The following IFT80 variants were observed in gnomAD, a reference collection of about 807,000 sequenced individuals.
The protein encoded by IFT80 is intraflagellar transport 80, also known as intraflagellar transport protein 80 homolog.
In IFT80, 79 loss-of-function variants were observed where a neutral mutation model predicts 107.9. The ratio of observed to expected loss-of-function variants is 0.73; its 90% CI spans 0.61 to 0.88. The LOEUF (loss-of-function observed/expected upper bound fraction) is 0.88. IFT80 is among the 40% of genes least tolerant of loss of function. The pLI is 0.00. For missense variants in IFT80, 797 were observed against 914.2 expected (o/e 0.87, Z 1.65); for synonymous variants, 299 against 300.9 (o/e 0.99, Z 0.07).
At chr3:160,346,348 C>T (rs956688990) in intron 8 of IFT80, among the ~76,000 whole-genome samples, 1 of 152,128 alleles carries the variant, frequency 6.6e-6, no homozygotes, top group African/African-American at 2.4e-5. Flanking sequence ...CAAAACATCA[C>T]ATTACCTGTA....
chr3:160,267,845 G>A (rs897953750), intron 19 of IFT80, among the ~76,000 whole-genome samples: 1 of 152,184 alleles, frequency 6.6e-6, no homozygotes, highest in African/African-American at 2.4e-5. Flanking sequence ...GGGACTACAG[G>A]CATGCACCAC....
intron 19 of IFT80, 29 bp from the exon 20 acceptor site, chr3:160,258,664 T>C: frequency 6.2e-7 from 1 of 1,605,630 alleles, no homozygotes. Context: ...AGAAGAAATA[T>C]GCTTAGATAG....
intron 4 of IFT80, among the ~76,000 whole-genome samples, chr3:160,376,896 T>C (rs866228674): frequency 2.6e-5 from 4 of 152,196 alleles, no homozygotes; most frequent in Admixed American, 1.3e-4. Flanking sequence ...CAAGCCTTCA[T>C]ATGACTGCCG....
intron 9 of IFT80, among the ~76,000 whole-genome samples, chr3:160,308,743 A>C (rs1717012598): frequency 6.6e-6 from 1 of 152,222 alleles, no homozygotes. Context: ...AGAAGTACTT[A>C]GGCCTACTAG....
intron 8 of IFT80, among the ~76,000 whole-genome samples, chr3:160,335,203 G>A (rs541548309): frequency 2.0e-5 from 3 of 150,326 alleles, no homozygotes; most frequent in Admixed American, 6.6e-5. Flanking sequence ...TGTCAAACTC[G>A]GTTCGGCAGA....
chr3:160,363,094 G>A (rs900157679), intron 6 of IFT80, among the ~76,000 whole-genome samples: 1 of 152,166 alleles, frequency 6.6e-6, no homozygotes, highest in African/African-American at 2.4e-5. Context: ...GTTTGCAGAT[G>A]ACACAATCGT....
chr3:160,344,085 T>A (rs1239187106), intron 8 of IFT80, among the ~76,000 whole-genome samples: 1 of 152,198 alleles, frequency 6.6e-6, no homozygotes, highest in African/African-American at 2.4e-5. Flanking sequence ...AGGAGCCCCA[T>A]TTTCCCATTT....
At chr3:160,291,481 C>T (rs1324146170) in intron 12 of IFT80, among the ~76,000 whole-genome samples, 1 of 152,240 alleles carries the variant, frequency 6.6e-6, no homozygotes, top group Non-Finnish European at 1.5e-5. Flanking sequence ...ATTCTGTTGA[C>T]ACTCGGACAG....
intron 8 of IFT80, among the ~76,000 whole-genome samples, chr3:160,323,042 T>G (rs1718380860): frequency 1.3e-5 from 2 of 151,940 alleles, no homozygotes; most frequent in African/African-American, 2.4e-5. Flanking sequence ...TTAGTTTAAT[T>G]AGATCCCATT....
At chr3:160,311,887 T>C (rs573198117) in intron 9 of IFT80, among the ~76,000 whole-genome samples, 5 of 152,222 alleles carry the variant, frequency 3.3e-5, no homozygotes, top group African/African-American at 9.6e-5. Flanking sequence ...AAGCTGGGGC[T>C]CTTCCGCCTC....
chr3:160,330,527 G>T (rs1719013457), intron 8 of IFT80, among the ~76,000 whole-genome samples: 1 of 152,048 alleles, frequency 6.6e-6, no homozygotes, highest in Non-Finnish European at 1.5e-5. Flanking sequence ...AACTTAAGTA[G>T]GAATAATAAT....
intron 5 of IFT80, among the ~76,000 whole-genome samples, chr3:160,371,593 C>T (rs563006451): frequency 6.6e-6 from 1 of 152,194 alleles, no homozygotes; most frequent in East Asian, 1.9e-4. Context: ...CAGGGATGCA[C>T]CACTATGCCC....
chr3:160,301,885 C>T (rs527355171), intron 11 of IFT80, among the ~76,000 whole-genome samples: 1 of 152,054 alleles, frequency 6.6e-6, no homozygotes, highest in African/African-American at 2.4e-5. Context: ...CTCACTCATT[C>T]CTGATAAACA....
At chr3:160,262,983 T>C (rs1712982294) in intron 19 of IFT80, among the ~76,000 whole-genome samples, 1 of 152,176 alleles carries the variant, frequency 6.6e-6, no homozygotes, top group South Asian at 2.1e-4. Flanking sequence ...CAATGTCCTT[T>C]TGTGTTCATA....
chr3:160,278,805 G>A (rs1375415495), intron 16 of IFT80, among the ~76,000 whole-genome samples: 1 of 152,002 alleles, frequency 6.6e-6, no homozygotes, highest in Non-Finnish European at 1.5e-5. Flanking sequence ...GTTGGAAAAA[G>A]GCTGATCGAA....
chr3:160,359,055 A>G (rs936236938), intron 6 of IFT80, among the ~76,000 whole-genome samples: 5 of 152,222 alleles, frequency 3.3e-5, no homozygotes, highest in Non-Finnish European at 7.3e-5. Flanking sequence ...GCATTCCACA[A>G]GCAAGAATTA....
At chr3:160,380,642 AAC>A (rs1340070696) in intron 3 of IFT80, among the ~76,000 whole-genome samples, 4 of 152,190 alleles carry the variant, frequency 2.6e-5, no homozygotes, top group Non-Finnish European at 4.4e-5. Flanking sequence ...GGTAAAGTAT[AAC>A]ACAGATGAAA....
chr3:160,321,687 T>G (rs547991427), intron 8 of IFT80, among the ~76,000 whole-genome samples: 13 of 151,998 alleles, frequency 8.6e-5, no homozygotes, highest in African/African-American at 2.4e-4. Context: ...ATAGTAAAAG[T>G]TATGTGAATG....
At chr3:160,353,846 G>A (rs1319689026) in intron 8 of IFT80, among the ~76,000 whole-genome samples, 1 of 151,916 alleles carries the variant, frequency 6.6e-6, no homozygotes, top group African/African-American at 2.4e-5. Flanking sequence ...TGTCTGATGA[G>A]TAGTATATAT....
Sources: allele counts gnomAD v4.1 joint callset (sites outside exome capture counted in the v4.1 genomes callset), GRCh38; gene constraint gnomAD v4.1.1; transcripts MANE v1.5; gene names NCBI Gene and HGNC (gene_info 2026-07-23, HGNC 2026-07-21).